Variants in DCC observed in about 807,000 individuals in gnomAD.
DCC encodes the protein netrin receptor DCC.
Under a neutral mutation model 172.5 loss-of-function variants are expected in DCC, and 58 were observed. That is an observed-to-expected ratio of 0.34 (90% confidence interval 0.27 to 0.42). The LOEUF is 0.42. Among genes scored for constraint, DCC ranks in the 10% least tolerant of loss-of-function variants. The pLI, the probability that DCC is intolerant of heterozygous loss-of-function variation, is 1.00. For synonymous variants in DCC, 709 were observed against 644.5 expected, an observed-to-expected ratio of 1.10 and a Z score of -1.52; for missense variants, 1,740 against 1,791.0, an observed-to-expected ratio of 0.97 and a Z score of 0.51.
intron 1 of DCC, among the ~76,000 whole-genome samples, chr18:52,693,863 C>T (rs915879029): frequency 6.6e-5 from 10 of 152,134 alleles, no homozygotes; most frequent in African/African-American, 2.2e-4. Context: ...TACATGAGTA[C>T]GTGCTGATAT....
At chr18:53,503,231 A>T (rs530020573) in intron 27 of DCC, among the ~76,000 whole-genome samples, 9 of 152,234 alleles carry the variant, frequency 5.9e-5, no homozygotes, top group Non-Finnish European at 1.2e-4. Context: ...TATAGTAAGC[A>T]GTAATTAGAA....
chr18:53,446,111 A>AAG (rs1393298310), intron 22 of DCC, among the ~76,000 whole-genome samples: 3 of 137,694 alleles, frequency 2.2e-5, no homozygotes, highest in African/African-American at 9.3e-5. Context: ...AAAAAAAAAA[A>AAG]AAACAAAAAA....
At chr18:53,153,095 A>G (rs2054669170) in intron 7 of DCC, among the ~76,000 whole-genome samples, 2 of 152,212 alleles carry the variant, frequency 1.3e-5, no homozygotes, top group Admixed American at 6.5e-5. Context: ...GACATCATGT[A>G]GGAGTGAGAT....
chr18:52,932,838 T>G (rs1037025802), intron 5 of DCC, among the ~76,000 whole-genome samples: 3 of 151,498 alleles, frequency 2.0e-5, no homozygotes, highest in African/African-American at 7.3e-5. Flanking sequence ...TACATGCACT[T>G]ACTCTCTATT....
intron 5 of DCC, among the ~76,000 whole-genome samples, chr18:52,998,291 T>A (rs4128955): frequency 0.21 from 31,268 of 151,794 alleles, 3,548 homozygotes; most frequent in African/African-American, 0.32. Context: ...GATCTCTCCA[T>A]CCTCATCATC....
At position 53,457,613 on chromosome 18, in the gene DCC, A is replaced by C. The variant is rs559988695; in HGVS notation, c.3393-1619A>C. ...TTTTCTATGAAGTTACCAGGAGTAG[A>C]TTACACAGGGAGCTGTGTGTGAGTT... On this transcript the variant is annotated intron_variant, in intron 23 of 28. Transcript: ENST00000442544. 1.1e-4 allele frequency among the ~76,000 whole-genome samples: 17 copies of C among 152,320 alleles called. No homozygotes were observed. The South Asian group carries it at 3.3e-3, about 30-fold the overall frequency.
intron 5 of DCC, among the ~76,000 whole-genome samples, chr18:52,943,736 T>TG (rs1555685252): frequency 0.083 from 2,074 of 24,966 alleles, 51 homozygotes; most frequent in African/African-American, 0.12. Context: ...TGGCAATTTA[T>TG]GGTTTTTTTT....
intron 1 of DCC, among the ~76,000 whole-genome samples, chr18:52,719,770 G>A (rs1831259364): frequency 6.6e-6 from 1 of 152,190 alleles, no homozygotes; most frequent in Admixed American, 6.5e-5. Context: ...ATGAGTAGGA[G>A]TTAGCCAGGT....
chr18:52,643,120 A>G (rs1276302852), intron 1 of DCC, among the ~76,000 whole-genome samples: 2 of 152,236 alleles, frequency 1.3e-5, no homozygotes, highest in Admixed American at 1.3e-4. Context: ...AGAATGTTCT[A>G]TAGTTAAAAA....
At chr18:53,142,454 A>G (rs1568328902) in intron 7 of DCC, among the ~76,000 whole-genome samples, 1 of 152,218 alleles carries the variant, frequency 6.6e-6, no homozygotes, top group Non-Finnish European at 1.5e-5. Flanking sequence ...ACTCAGAAAC[A>G]AATGATGCAC....
intron 2 of DCC, among the ~76,000 whole-genome samples, chr18:52,863,476 A>G (rs745616176): frequency 6.6e-5 from 10 of 151,796 alleles, no homozygotes; most frequent in Admixed American, 2.6e-4. Context: ...GCAGACCTAC[A>G]TAACTTTTGT....
chr18:53,031,327 G>A lies in DCC; in HGVS notation c.986-31978G>A, dbSNP rs1191560340. ...AGAATCTTGATAAAATTATTTCATAGACTAGATATATTGCAGTCTTGTTGC... is the reference window on the plus strand; with the variant it reads ...AGAATCTTGATAAAATTATTTCATAAACTAGATATATTGCAGTCTTGTTGC... On this transcript the variant is annotated intron_variant, in intron 5 of 28. Coordinates refer to ENST00000442544, the MANE Select transcript of DCC (RefSeq NM_005215.4). 3.3e-5 allele frequency among the ~76,000 whole-genome samples: 5 copies of A among 152,196 alleles called. No homozygotes were observed. The East Asian group carries it at 9.7e-4, about 29-fold the overall frequency.
At chr18:53,252,626 G>A (rs577714796) in intron 12 of DCC, among the ~76,000 whole-genome samples, 11 of 151,986 alleles carry the variant, frequency 7.2e-5, no homozygotes, top group African/African-American at 2.4e-4. Flanking sequence ...CCATCACCAA[G>A]CATCTTTCTT....
chr18:53,128,560 C>A (rs9954051), intron 7 of DCC, among the ~76,000 whole-genome samples: 2 of 151,996 alleles, frequency 1.3e-5, no homozygotes, highest in East Asian at 3.9e-4. Flanking sequence ...TTTCAAAGCA[C>A]CATAATGTTA....
intron 1 of DCC, among the ~76,000 whole-genome samples, chr18:52,427,470 T>C (rs1343872929): frequency 6.6e-6 from 1 of 152,096 alleles, no homozygotes; most frequent in Non-Finnish European, 1.5e-5. Context: ...GGATCAGTTA[T>C]ACCCAACAAG....
intron 1 of DCC, among the ~76,000 whole-genome samples, chr18:52,669,977 A>C (rs34388427): frequency 0.041 from 6,243 of 152,270 alleles, 162 homozygotes; most frequent in Middle Eastern, 0.14. Context: ...GAGGCAACTA[A>C]ATGAGATGTA....
chr18:53,053,177 AAAC>A (rs1205968966), intron 5 of DCC, among the ~76,000 whole-genome samples: 2 of 152,016 alleles, frequency 1.3e-5, no homozygotes, highest in Admixed American at 1.3e-4. Context: ...AAACAAAACA[AAAC>A]AACAGAAAAG....
chr18:52,631,301 GA>G (rs989513178), intron 1 of DCC, among the ~76,000 whole-genome samples: 4 of 148,674 alleles, frequency 2.7e-5, no homozygotes, highest in South Asian at 2.1e-4. Flanking sequence ...GAGAGAGAAA[GA>G]AAAAAAAATA....
intron 2 of DCC, among the ~76,000 whole-genome samples, chr18:52,811,578 G>A (rs551301440): frequency 6.4e-4 from 97 of 150,444 alleles, no homozygotes; most frequent in African/African-American, 2.3e-3. Context: ...ATTAAATTGA[G>A]TAACTGGTGA....
Sources: gnomAD v4.1 joint callset for allele counts (sites outside exome capture counted in the v4.1 genomes callset) on GRCh38, gnomAD v4.1.1 for gene constraint, MANE v1.5 for transcripts, NCBI Gene and HGNC (gene_info 2026-07-23, HGNC 2026-07-21) for gene names.